Variants in GRM8 observed in about 807,000 individuals in gnomAD.
GRM8 encodes the protein glutamate metabotropic receptor 8.
In GRM8, 47 loss-of-function variants were observed where a neutral mutation model predicts 87.2. The ratio of observed to expected loss-of-function variants is 0.54; its 90% confidence interval spans 0.43 to 0.69. The LOEUF is 0.69. Ranked by LOEUF, GRM8 falls within the 30% of genes least tolerant of loss-of-function variation. GRM8 has a pLI of 0.00. For missense variants in GRM8, 1,019 were observed against 1,139.2 expected (o/e 0.89, Z 1.52); for synonymous variants, 396 against 404.5 (o/e 0.98, Z 0.25).
chr7:126,834,327 T>C (rs1795655395), intron 6 of GRM8, among the ~76,000 whole-genome samples: 1 of 152,186 alleles, frequency 6.6e-6, no homozygotes, highest in South Asian at 2.1e-4. Flanking sequence ...ATTGTGCATA[T>C]CCTAATGGAG....
At chr7:126,850,492 C>T (rs1050527438) in intron 6 of GRM8, among the ~76,000 whole-genome samples, 2 of 152,160 alleles carry the variant, frequency 1.3e-5, no homozygotes. Context: ...CATACTCATA[C>T]ATAGGTAACC....
chr7:127,016,518 T>C (rs1476950872), intron 3 of GRM8, among the ~76,000 whole-genome samples: 7 of 152,088 alleles, frequency 4.6e-5, no homozygotes, highest in African/African-American at 1.7e-4. Flanking sequence ...CTGTGCCCTA[T>C]ATATCTAAAT....
At chr7:126,889,874 C>T (rs1194284085) in intron 6 of GRM8, among the ~76,000 whole-genome samples, 2 of 151,766 alleles carry the variant, frequency 1.3e-5, no homozygotes, top group Non-Finnish European at 2.9e-5. Context: ...AAATCATTTC[C>T]ACTTATATTT....
At chr7:127,136,142 G>A (rs1433486363) in intron 2 of GRM8, among the ~76,000 whole-genome samples, 1 of 151,464 alleles carries the variant, frequency 6.6e-6, no homozygotes, top group Non-Finnish European at 1.5e-5. Flanking sequence ...AGTTATTAAA[G>A]GACAAAAATA....
intron 3 of GRM8, among the ~76,000 whole-genome samples, chr7:127,008,104 A>AAAATG (rs1267127543): frequency 2.0e-5 from 3 of 152,010 alleles, no homozygotes; most frequent in African/African-American, 2.4e-5. Flanking sequence ...GTCAGACTTA[A>AAAATG]GAGGTACAGT....
chr7:127,120,732 C>A (rs1339361004), intron 2 of GRM8, among the ~76,000 whole-genome samples: 1 of 152,206 alleles, frequency 6.6e-6, no homozygotes, highest in Non-Finnish European at 1.5e-5. Context: ...TAAAAGCTCC[C>A]TCTAATTCAC....
intron 6 of GRM8, among the ~76,000 whole-genome samples, chr7:126,808,930 A>G (rs1272420691): frequency 6.6e-6 from 1 of 152,208 alleles, no homozygotes; most frequent in African/African-American, 2.4e-5. Flanking sequence ...TACCACAAAC[A>G]TAGTGGCTTA....
chr7:127,107,089 G>C lies in GRM8; in HGVS notation c.511-377C>G, dbSNP rs183661705. Among the ~76,000 whole-genome samples, 1,014 of 152,262 alleles carry C rather than the reference G, an allele frequency of 6.7e-3. 11 individuals carry two copies. The highest frequency in any genetic ancestry group is 9.9e-3 in the Non-Finnish European group (672 of 68,012). On this transcript the variant is annotated intron_variant, in intron 2 of 10. Transcript: ENST00000339582. ...AAATGAAGGCATATACATCAGAAAAGGTCACCTCTGAAACTGGCTTTGGCT... is the reference window on the plus strand; with the variant it reads ...AAATGAAGGCATATACATCAGAAAACGTCACCTCTGAAACTGGCTTTGGCT...
intron 2 of GRM8, among the ~76,000 whole-genome samples, chr7:127,205,101 T>C (rs1795827128): frequency 6.6e-6 from 1 of 152,108 alleles, no homozygotes; most frequent in Admixed American, 6.5e-5. Flanking sequence ...GACAAGAAAA[T>C]CCAGCCAATT....
intron 3 of GRM8, chr7:127,076,093 G>T (rs1000062716): frequency 2.3e-6 from 1 of 442,782 alleles, no homozygotes; most frequent in Non-Finnish European, 4.5e-6. Flanking sequence ...ACTTGAGAAA[G>T]GTGGTCAGTA....
chr7:126,815,306 G>T (rs769910642), intron 6 of GRM8, among the ~76,000 whole-genome samples: 8 of 152,098 alleles, frequency 5.3e-5, no homozygotes, highest in Non-Finnish European at 8.8e-5. Context: ...GTTCCAAAAT[G>T]AGGCCACCTT....
At chr7:126,978,770 T>C (rs1335937855) in intron 3 of GRM8, among the ~76,000 whole-genome samples, 1 of 152,212 alleles carries the variant, frequency 6.6e-6, no homozygotes, top group African/African-American at 2.4e-5. Context: ...ATTAAATCCT[T>C]ACAAAAGACT....
chr7:127,145,822 T>C (rs1828524831), intron 2 of GRM8, among the ~76,000 whole-genome samples: 1 of 152,084 alleles, frequency 6.6e-6, no homozygotes, highest in Non-Finnish European at 1.5e-5. Context: ...TTGTCTTTTG[T>C]TTTCTATATT....
chr7:126,977,537 C>T (rs1486548990), intron 3 of GRM8, among the ~76,000 whole-genome samples: 1 of 152,248 alleles, frequency 6.6e-6, no homozygotes, highest in Admixed American at 6.5e-5. Flanking sequence ...CCTAAGATTA[C>T]AGAAATTGAA....
At chr7:127,233,604 T>C (rs903689143) in intron 2 of GRM8, among the ~76,000 whole-genome samples, 1 of 152,206 alleles carries the variant, frequency 6.6e-6, no homozygotes, top group Admixed American at 6.5e-5. Flanking sequence ...ACCATCCACA[T>C]GTCCCAAAGA....
chr7:127,177,284 G>C (rs2116376573), intron 2 of GRM8, among the ~76,000 whole-genome samples: 1 of 152,204 alleles, frequency 6.6e-6, no homozygotes, highest in East Asian at 1.9e-4. Flanking sequence ...AATCCTCCTA[G>C]GTACACAACT....
At chr7:126,606,829 T>C (rs1364659242) in intron 8 of GRM8, among the ~76,000 whole-genome samples, 1 of 152,220 alleles carries the variant, frequency 6.6e-6, no homozygotes, top group Admixed American at 6.5e-5. Context: ...CTGTTAAATG[T>C]ACATAAAAGA....
At chr7:126,943,930 A>T (rs1299706072) in intron 3 of GRM8, among the ~76,000 whole-genome samples, 1 of 152,256 alleles carries the variant, frequency 6.6e-6, no homozygotes, top group Non-Finnish European at 1.5e-5. Context: ...CGTTTCACCC[A>T]CGTGCTTGAT....
At chr7:126,791,619 T>G (rs147689035) in intron 6 of GRM8, among the ~76,000 whole-genome samples, 8 of 152,362 alleles carry the variant, frequency 5.3e-5, no homozygotes, top group Non-Finnish European at 1.0e-4. Flanking sequence ...GCAACAGGAC[T>G]GTGTTCAAAA....
Sources: allele counts gnomAD v4.1 joint callset (sites outside exome capture counted in the v4.1 genomes callset), GRCh38; gene constraint gnomAD v4.1.1; transcripts MANE v1.5; gene names NCBI Gene and HGNC (gene_info 2026-07-23, HGNC 2026-07-21).